MGA: variants seen among roughly 807,000 people sequenced by gnomAD.
MGA encodes MAX gene-associated protein.
A neutral mutation model predicts 261.1 loss-of-function variants in MGA; 40 were observed. The observed-to-expected ratio is 0.15, with a 90% CI of 0.12 to 0.20. MGA has a LOEUF of 0.20. Among genes scored for constraint, MGA ranks in the 10% least tolerant of loss-of-function variants. MGA has a pLI of 1.00. For missense variants in MGA, 3,397 were observed against 3,630.5 expected, an observed-to-expected ratio of 0.94 and a Z score of 1.65; for synonymous variants, 1,302 against 1,290.6, an observed-to-expected ratio of 1.01 and a Z score of -0.19.
At chr15:41,702,641 G>T (rs893459418) in intron 5 of MGA, among the ~76,000 whole-genome samples, 1 of 151,976 alleles carries the variant, frequency 6.6e-6, no homozygotes, top group Non-Finnish European at 1.5e-5. Flanking sequence ...ATTAAGCCTG[G>T]GAAAATGTTA....
At chr15:41,762,648 T>A (rs1381653978) in intron 22 of MGA, among the ~76,000 whole-genome samples, 1 of 151,820 alleles carries the variant, frequency 6.6e-6, no homozygotes, top group Non-Finnish European at 1.5e-5. Flanking sequence ...TTTAATTTTT[T>A]AGTAGAGATG....
intron 2 of MGA, among the ~76,000 whole-genome samples, chr15:41,678,853 T>A (rs989562118): frequency 6.6e-6 from 1 of 152,140 alleles, no homozygotes; most frequent in East Asian, 1.9e-4. Flanking sequence ...TGCCCACATA[T>A]GTGCAGATTG....
intron 9 of MGA, among the ~76,000 whole-genome samples, chr15:41,719,992 G>A (rs2060853077): frequency 6.6e-6 from 1 of 152,070 alleles, no homozygotes; most frequent in South Asian, 2.1e-4. Context: ...TCGGAAAAAT[G>A]CTGCTTCTCA....
At chr15:41,632,772 T>C (rs1434691211) in intron 1 of MGA, among the ~76,000 whole-genome samples, 5 of 88,324 alleles carry the variant, frequency 5.7e-5, no homozygotes, top group Admixed American at 2.9e-4. Context: ...CTCCTTCCTG[T>C]AGGAGATAGG....
chr15:41,727,136 T>A, intron 9 of MGA, 44 bp from the exon 10 acceptor site: 4 of 1,510,472 alleles, frequency 2.6e-6, no homozygotes, highest in Non-Finnish European at 3.6e-6. Flanking sequence ...ATTGATCTTT[T>A]GTTGCCAAAA....
Position 41,769,497 on chromosome 15 carries a change from G to A in MGA, c.*2217G>A, listed in dbSNP as rs1367164418. 3 of 152,158 alleles carry A rather than the reference G, an allele frequency of 2.0e-5. No homozygotes were observed. Among genetic ancestry groups the A allele is most frequent in the Non-Finnish European group, 4.4e-5 (3 of 67,986 alleles). 9.4% of individuals were successfully genotyped at this position (152,158 alleles called of 1,614,324 possible). A position where few individuals can be genotyped will look rare whatever the true frequency, so the allele number is the denominator to read the frequency against. ...TCAAGACCTCTTAGAACTAGGTGTT[G>A]TCAGGGATAATTTGAGGAGGGCTTA... On this transcript the variant is annotated 3_prime_UTR_variant, in exon 24 of 24. Coordinates refer to ENST00000219905, the MANE Select transcript of MGA (RefSeq NM_001164273.2).
intron 9 of MGA, among the ~76,000 whole-genome samples, chr15:41,716,034 G>A (rs748831584): frequency 3.3e-5 from 5 of 151,960 alleles, no homozygotes; most frequent in South Asian, 2.1e-4. Context: ...ATTAAACTCC[G>A]ATAGCCAATT....
chr15:41,762,412 C>T (rs2063511467), intron 22 of MGA, 50 bp downstream of exon 22: 1 of 1,211,536 alleles, frequency 8.3e-7, no homozygotes, highest in Non-Finnish European at 1.1e-6. Context: ...CATCAGTTGA[C>T]TTTAGTGGAC....
chr15:41,716,925 G>C (rs2060670582), intron 9 of MGA, among the ~76,000 whole-genome samples: 1 of 151,352 alleles, frequency 6.6e-6, no homozygotes, highest in South Asian at 2.1e-4. Flanking sequence ...TTTTTGTAAT[G>C]GTTCAATCCA....
At chr15:41,682,868 A>G (rs939566241) in intron 2 of MGA, among the ~76,000 whole-genome samples, 5 of 152,124 alleles carry the variant, frequency 3.3e-5, no homozygotes, top group African/African-American at 1.2e-4. Flanking sequence ...ATTTTTCAGT[A>G]GTTTCTTTAG....
chr15:41,691,919 A>G lies in MGA; in HGVS notation c.1065-4156A>G, dbSNP rs546575915. Among the ~76,000 whole-genome samples the G allele has an allele frequency of 3.4e-5, 5 of 145,396 alleles. No homozygotes were observed. The East Asian group carries it at 1.0e-3, about 29-fold the overall frequency. On this transcript the variant is annotated intron_variant, in intron 2 of 23. Coordinates refer to ENST00000219905, the MANE Select transcript of MGA (RefSeq NM_001164273.2). ...GATATGACTTTTTTTTTTTCCTTCTATTCGTCCCCATTGTTGCTTACTGAG... is the reference window on the plus strand; with the variant it reads ...GATATGACTTTTTTTTTTTCCTTCTGTTCGTCCCCATTGTTGCTTACTGAG...
chr15:41,740,243 C>G (rs1391793941), intron 14 of MGA, 40 bp downstream of exon 14: 5 of 1,598,530 alleles, frequency 3.1e-6, no homozygotes, highest in Non-Finnish European at 4.3e-6. Context: ...AGGCCTATGA[C>G]TTGGTGGTGG....
chr15:41,765,980 C>CT (rs1567113559), intron 23 of MGA, 24 bp from the exon 24 acceptor site: 4 of 1,587,342 alleles, frequency 2.5e-6, no homozygotes, highest in Non-Finnish European at 3.4e-6. Context: ...ATGAATTTTT[C>CT]TTTTTTTAAT....
At chr15:41,762,424 G>GATGT in intron 22 of MGA, 62 bp downstream of exon 22, 1 of 922,274 alleles carries the variant, frequency 1.1e-6, no homozygotes, top group Non-Finnish European at 1.6e-6. Context: ...TTAGTGGACT[G>GATGT]ACCACCTTCT....
chr15:41,623,286 A>C (rs1401823737), intron 1 of MGA, among the ~76,000 whole-genome samples: 3 of 152,244 alleles, frequency 2.0e-5, no homozygotes, highest in African/African-American at 7.2e-5. Context: ...GATAATCAAA[A>C]TATAAGTAGC....
At chr15:41,731,359 GAA>G (rs1239146710) in intron 11 of MGA, among the ~76,000 whole-genome samples, 1 of 151,894 alleles carries the variant, frequency 6.6e-6, no homozygotes, top group Non-Finnish European at 1.5e-5. Context: ...TCTATGCAGA[GAA>G]AATTTTAATT....
chr15:41,761,871 C>A, intron 21 of MGA, 21 bp downstream of exon 21: 1 of 1,454,934 alleles, frequency 6.9e-7, no homozygotes, highest in Non-Finnish European at 9.4e-7. Context: ...TAAATAATCT[C>A]TGGTAAAGAG....
intron 2 of MGA, among the ~76,000 whole-genome samples, chr15:41,689,255 C>T (rs2059131360): frequency 6.6e-6 from 1 of 151,754 alleles, no homozygotes; most frequent in African/African-American, 2.4e-5. Context: ...TACCCTCTCC[C>T]TCTCTCTGTG....
chr15:41,726,442 T>G (rs532273485), intron 9 of MGA, among the ~76,000 whole-genome samples: 1 of 152,342 alleles, frequency 6.6e-6, no homozygotes, highest in South Asian at 2.1e-4. Flanking sequence ...AAAAGTTATC[T>G]TTTTGACTAG....
Sources: gnomAD v4.1 joint callset for allele counts (sites outside exome capture counted in the v4.1 genomes callset) on GRCh38, gnomAD v4.1.1 for gene constraint, MANE v1.5 for transcripts, NCBI Gene and HGNC (gene_info 2026-07-23, HGNC 2026-07-21) for gene names.